Variants in AVEN observed in about 807,000 individuals in gnomAD.
AVEN encodes apoptosis and caspase activation inhibitor.
Under a neutral mutation model 38.1 loss-of-function variants are expected in AVEN, and 41 were observed. The observed-to-expected ratio is 1.08, with a 90% CI of 0.84 to 1.40. The LOEUF (loss-of-function observed/expected upper bound fraction) is 1.40. AVEN is among the 40% of genes most tolerant of loss of function. AVEN has a pLI of 0.00. For synonymous variants in AVEN, 206 were observed against 171.8 expected (o/e 1.20, Z -1.56); for missense variants, 605 against 438.8 (o/e 1.38, Z -3.38).
rs574531423 is a variant in AVEN at position 34,063,369 on chromosome 15, C to T, written n.1190G>A. The T allele has an allele frequency of 2.6e-5, 42 of 1,614,090 alleles. No individual in the cohort carries two copies. In the South Asian group the frequency reaches 3.2e-4, roughly 12 times the overall value. On this transcript the variant is annotated non_coding_transcript_exon_variant, in exon 5 of 12. Transcript: ENST00000675287. This position sits in a 1 kb window ranked among gnomAD's most constrained non-coding sequence, Gnocchi z 4.1. ...GACCATCCTCTACTGTCGAATCTACCGGGAAACAGAGAAGCGAACCAAGGA... is the reference window on the plus strand; with the variant it reads ...GACCATCCTCTACTGTCGAATCTACTGGGAAACAGAGAAGCGAACCAAGGA...
intron 5 of AVEN, among the ~76,000 whole-genome samples, chr15:34,055,490 G>C (rs897110299): frequency 9.9e-5 from 15 of 151,770 alleles, no homozygotes; most frequent in African/African-American, 3.4e-4. Flanking sequence ...GGGCAACAGA[G>C]TGAAACACTC....
At chr15:33,985,709 GGTAA>G (rs1366781756) in intron 2 of AVEN, among the ~76,000 whole-genome samples, 4 of 152,020 alleles carry the variant, frequency 2.6e-5, no homozygotes, top group Admixed American at 6.5e-5. Context: ...CTTAGTGTTT[GGTAA>G]GTAAGTACCT....
At chr15:33,852,326 A>C in the AVEN span, 1 of 152,174 alleles carries the variant, frequency 6.6e-6, no homozygotes, top group African/African-American at 2.4e-5. Flanking sequence ...CCTGAAGATG[A>C]CAGTTCTTTC....
intron 1 of AVEN, among the ~76,000 whole-genome samples, chr15:34,022,134 C>T (rs1338176434): frequency 6.6e-6 from 1 of 152,220 alleles, no homozygotes; most frequent in African/African-American, 2.4e-5. Flanking sequence ...GTTTGGCTGG[C>T]ATGCCCTTCT....
rs184425082 is a variant in AVEN, at chr15:33,876,069, G to C, written c.446-74C>G. Reference sequence around the variant, plus strand: ...CTCAGTTCTCTAAATTTCCCTGCTAGAGCAAAAGTGCCATTTCTGAAGTGC... The same window carrying C: ...CTCAGTTCTCTAAATTTCCCTGCTACAGCAAAAGTGCCATTTCTGAAGTGC... On this transcript the variant is annotated intron_variant, in intron 2 of 5. Coordinates refer to ENST00000306730, the MANE Select transcript of AVEN (RefSeq NM_020371.3). 73 of 1,392,384 alleles carry C rather than the reference G, an allele frequency of 5.2e-5. No homozygotes were observed. The African/African-American group carries it at 1.0e-3, about 19-fold the overall frequency. The allele number at this position is 1,392,384 out of a possible 1,614,324, so 86.3% of individuals were successfully genotyped here. A position where few individuals can be genotyped will look rare whatever the true frequency, so the allele number is the denominator to read the frequency against.
chr15:33,873,943 C>G (rs571918914), intron 3 of AVEN, among the ~76,000 whole-genome samples: 1 of 150,796 alleles, frequency 6.6e-6, no homozygotes, highest in African/African-American at 2.4e-5. Context: ...ACGCTCACTG[C>G]CTGACCCTCT....
intron 1 of AVEN, among the ~76,000 whole-genome samples, chr15:34,021,577 G>GTAAGGTGGCTAGCACTTACACATGGCCA (rs1898202680): frequency 6.6e-6 from 1 of 152,020 alleles, no homozygotes; most frequent in Non-Finnish European, 1.5e-5. Context: ...ACACATGGCC[G>GTAAGGTGGCTAGCACTTACACATGGCCA]TGTAAGGTGG....
At chr15:33,898,979 G>A (rs1567403499) in intron 2 of AVEN, among the ~76,000 whole-genome samples, 1 of 152,160 alleles carries the variant, frequency 6.6e-6, no homozygotes. Flanking sequence ...ATATTATAGT[G>A]TTGTAAGACA....
Position 33,935,704 on chromosome 15 carries a change from C to G in AVEN, c.446-59709G>C, listed in dbSNP as rs191054882. On this transcript the variant is annotated intron_variant, in intron 2 of 5. Coordinates refer to ENST00000306730, the MANE Select transcript of AVEN (RefSeq NM_020371.3). ...GTGTATGAATTGTTTAAGTGGTAAC[C>G]TAGCGGAAAGTAGAGATTGAGGCAG... Among the ~76,000 whole-genome samples the G allele has an allele frequency of 1.6e-3, 250 of 152,116 alleles. 2 individuals are homozygous for G. The highest frequency in any genetic ancestry group is 5.8e-3 in the African/African-American group (242 of 41,530).
chr15:33,978,931 G>C (rs1169329119), intron 2 of AVEN, among the ~76,000 whole-genome samples: 1 of 43,034 alleles, frequency 2.3e-5, no homozygotes, highest in African/African-American at 2.8e-5. Flanking sequence ...GTCCATGCCA[G>C]GCAAAAGTAA....
chr15:33,867,936 A>G, intron 4 of AVEN, 81 bp from the exon 5 acceptor site: 1 of 1,478,988 alleles, frequency 6.8e-7, no homozygotes, highest in Non-Finnish European at 9.0e-7. Context: ...AGGCTAAACG[A>G]AGCCATCAAA....
chr15:33,896,316 G>A (rs1892230469), intron 2 of AVEN, among the ~76,000 whole-genome samples: 1 of 152,138 alleles, frequency 6.6e-6, no homozygotes, highest in African/African-American at 2.4e-5. Flanking sequence ...TAGCAGAAAA[G>A]GACATTACGG....
In AVEN at chr15:34,032,333, AC is replaced by A. The variant is rs1202353265; in HGVS notation, c.267+6446del. 2.0e-5 allele frequency among the ~76,000 whole-genome samples: 3 copies of A among 152,148 alleles called. No homozygotes were observed. In the East Asian group the frequency reaches 5.8e-4, roughly 29 times the overall value. Reference sequence around the variant, plus strand: ...CCCAGTGCTGTAAAAAGTAATCACTACTTTTTCTGGAAAAAAAATAAGAAAA... The same window carrying A: ...CCCAGTGCTGTAAAAAGTAATCACTATTTTTCTGGAAAAAAAATAAGAAAA... On this transcript the variant is annotated intron_variant, in intron 1 of 5. Transcript: ENST00000306730.
At chr15:33,859,522 CTAAAAACA>C in intron 11 of AVEN, 1 of 1,598,650 alleles carries the variant, frequency 6.3e-7, no homozygotes, top group South Asian at 1.1e-5. Flanking sequence ...GAGCATCTTG[CTAAAAACA>C]GAACTGTGAC....
chr15:34,017,933 T>C (rs1221949300), intron 1 of AVEN, among the ~76,000 whole-genome samples: 3 of 152,214 alleles, frequency 2.0e-5, no homozygotes. Context: ...TGCACAGCAT[T>C]ATTCACAGGT....
At chr15:33,887,074 T>A (rs1280967074) in intron 2 of AVEN, among the ~76,000 whole-genome samples, 4 of 152,242 alleles carry the variant, frequency 2.6e-5, no homozygotes, top group African/African-American at 9.6e-5. Flanking sequence ...ATTGTAAGTA[T>A]AAGAAATACA....
At chr15:33,865,298 C>A, downstream of AVEN, 2 of 1,007,956 alleles carry the variant, frequency 2.0e-6, no homozygotes, top group South Asian at 1.5e-5. Context: ...TTTTACAGTT[C>A]TGCAACATAT....
At chr15:34,047,367 G>A (rs1173944525) in intron 5 of AVEN, among the ~76,000 whole-genome samples, 2 of 152,088 alleles carry the variant, frequency 1.3e-5, no homozygotes, top group African/African-American at 4.8e-5. Context: ...GTGAGCCACC[G>A]TGCCCGGCGG....
chr15:34,033,500 C>T lies in AVEN; in HGVS notation c.267+5280G>A, dbSNP rs570829145. On this transcript the variant is annotated intron_variant, in intron 1 of 5. Transcript: ENST00000306730. Reference sequence around the variant, plus strand: ...CAGCCTGGGTAACAGAGCGAGGCTCCGTCTCAAAAAAAAAAAAAAAATTGC... The same window carrying T: ...CAGCCTGGGTAACAGAGCGAGGCTCTGTCTCAAAAAAAAAAAAAAAATTGC... Among the ~76,000 whole-genome samples, 843 of 146,180 alleles carry T rather than the reference C, an allele frequency of 5.8e-3. 11 individuals carry two copies. Among genetic ancestry groups the T allele is most frequent in the African/African-American group, 0.021 (810 of 39,506 alleles).
Sources: gnomAD v4.1 joint callset for allele counts (sites outside exome capture counted in the v4.1 genomes callset) on GRCh38, gnomAD v4.1.1 for gene constraint, Gnocchi (gnomAD v3.1) non-coding constraint, MANE v1.5 for transcripts, NCBI Gene and HGNC (gene_info 2026-07-23, HGNC 2026-07-21) for gene names.